NTRK3: variants seen among roughly 807,000 people sequenced by gnomAD.
NTRK3 encodes the protein neurotrophic receptor tyrosine kinase 3.
Under a neutral mutation model 91.7 loss-of-function variants are expected in NTRK3, and 24 were observed. The ratio of observed to expected loss-of-function variants is 0.26; its 90% CI spans 0.19 to 0.37. The LOEUF is 0.37. NTRK3 is among the 10% of genes least tolerant of loss of function. The pLI is 1.00. For missense variants in NTRK3, 880 were observed against 1,068.9 expected (o/e 0.82, Z 2.46); for synonymous variants, 483 against 404.0 (o/e 1.20, Z -2.34).
Position 87,869,274 on chromosome 15 carries a change from G to A in NTRK3, c.*7661C>T, listed in dbSNP as rs972669163. On this transcript the variant is annotated 3_prime_UTR_variant, in exon 19 of 19. Transcript: ENST00000394480. ...TTTATGGACAGAGAAAGCAGAGTCA[G>A]TGGGGAGAGGAGGGTTGCTGAGGGT... 13 of 230,726 alleles carry A rather than the reference G, an allele frequency of 5.6e-5. No individual in the cohort carries two copies. In the South Asian group the frequency reaches 2.2e-3, roughly 39 times the overall value. 14.3% of individuals were successfully genotyped at this position (230,726 alleles called of 1,614,324 possible).
intron 3 of NTRK3, chr15:88,252,841 T>C (rs956676802): frequency 6.6e-5 from 10 of 152,220 alleles, no homozygotes; most frequent in Non-Finnish European, 1.0e-4. Flanking sequence ...GACCCACACT[T>C]ATGCTCTGAT....
At chr15:87,973,532 T>C (rs2073437898) in intron 14 of NTRK3, among the ~76,000 whole-genome samples, 2 of 152,028 alleles carry the variant, frequency 1.3e-5, no homozygotes, top group Non-Finnish European at 2.9e-5. Context: ...GTGGGAAGTA[T>C]AGGGGGTGGT....
intron 3 of NTRK3, among the ~76,000 whole-genome samples, chr15:88,196,760 C>T (rs1226232386): frequency 1.3e-5 from 2 of 152,210 alleles, no homozygotes; most frequent in East Asian, 3.9e-4. Context: ...TACTCACCCT[C>T]TGGGAAGGCA....
intron 14 of NTRK3, among the ~76,000 whole-genome samples, chr15:88,027,229 G>T (rs1003016866): frequency 1.3e-5 from 2 of 152,060 alleles, no homozygotes; most frequent in Admixed American, 1.3e-4. Flanking sequence ...CTGAGTCTCA[G>T]TTTCTTTAGC....
At chr15:88,193,163 C>T (rs2047546041) in intron 3 of NTRK3, among the ~76,000 whole-genome samples, 1 of 152,118 alleles carries the variant, frequency 6.6e-6, no homozygotes, top group Non-Finnish European at 1.5e-5. Flanking sequence ...GCCAGAGGAT[C>T]TCCACCCTCA....
At chr15:88,025,256 C>T (rs947181795) in intron 14 of NTRK3, among the ~76,000 whole-genome samples, 5 of 152,234 alleles carry the variant, frequency 3.3e-5, no homozygotes, top group South Asian at 2.1e-4. Context: ...CAGGCAATCA[C>T]GTGTCTAGAT....
chr15:88,025,151 A>G (rs1313161129), intron 14 of NTRK3, among the ~76,000 whole-genome samples: 2 of 152,222 alleles, frequency 1.3e-5, no homozygotes, highest in Non-Finnish European at 2.9e-5. Context: ...TGATTGGTGA[A>G]AGCCAGTCTA....
chr15:88,203,442 A>G (rs924356327), intron 3 of NTRK3, among the ~76,000 whole-genome samples: 18 of 152,164 alleles, frequency 1.2e-4, no homozygotes, highest in African/African-American at 4.1e-4. Context: ...CAGTCTCTGC[A>G]TTTACCCCCC....
intron 14 of NTRK3, among the ~76,000 whole-genome samples, chr15:87,948,179 C>A (rs1173851831): frequency 2.6e-5 from 4 of 152,160 alleles, no homozygotes; most frequent in African/African-American, 9.7e-5. Context: ...TCCAGCCAAC[C>A]CAGTCAGTTC....
chr15:88,037,435 G>A, intron 13 of NTRK3, among the ~76,000 whole-genome samples: 1 of 152,150 alleles, frequency 6.6e-6, no homozygotes, highest in East Asian at 1.9e-4. Flanking sequence ...GTTGGTGCAT[G>A]CCTGTGATCC....
In NTRK3 at chr15:88,135,096, C is replaced by T. The variant is rs55741800; in HGVS notation, c.1204+5G>A. The T allele has an allele frequency of 2.9e-4, 474 of 1,614,134 alleles. No individual in the cohort carries two copies. Among genetic ancestry groups the T allele is most frequent in the Non-Finnish European group, 4.0e-4 (468 of 1,180,060 alleles). ...ACACCTCCGATCCAGCTACGCTGCC[C>T]TCACCTGGAAAGGGCTCCTTGAGGA... is the stretch of plus-strand genomic sequence containing the variant. On this transcript the variant is annotated splice_donor_5th_base_variant and intron_variant, in intron 10 of 18. Transcript: ENST00000394480.
intron 3 of NTRK3, among the ~76,000 whole-genome samples, chr15:88,190,878 A>G (rs1342427833): frequency 6.6e-6 from 1 of 152,232 alleles, no homozygotes; most frequent in Non-Finnish European, 1.5e-5. Context: ...AGCTGATTCC[A>G]TTTGTATTGT....
chr15:87,892,083 A>AACACACACACACACACAC (rs58946187), intron 17 of NTRK3, among the ~76,000 whole-genome samples: 79 of 141,430 alleles, frequency 5.6e-4, no homozygotes, highest in African/African-American at 1.9e-3. Context: ...CCCCATCCCC[A>AACACACACACACACACAC]ACACACACAC....
chr15:88,062,677 C>T (rs1476816340), intron 13 of NTRK3, among the ~76,000 whole-genome samples: 1 of 152,236 alleles, frequency 6.6e-6, no homozygotes, highest in African/African-American at 2.4e-5. Context: ...TTTCACAAAA[C>T]AGAAGTAAAT....
intron 14 of NTRK3, among the ~76,000 whole-genome samples, chr15:87,954,712 C>G (rs1262597404): frequency 2.0e-5 from 3 of 152,208 alleles, no homozygotes; most frequent in Admixed American, 2.0e-4. Context: ...CTGTTCAGTG[C>G]CCATGGTTAC....
intron 6 of NTRK3, among the ~76,000 whole-genome samples, chr15:88,145,825 T>C (rs1184867312): frequency 6.7e-6 from 1 of 148,740 alleles, no homozygotes; most frequent in Non-Finnish European, 1.5e-5. Flanking sequence ...AGTTCTAGGG[T>C]AACTTAAGAA....
rs570967777 is a variant in NTRK3 at position 88,172,216 on chromosome 15, G to A, written c.395+11202C>T. ...AAAGAGACTTTCAAAGACCCATTAA[G>A]AGGAAACAAGGGAGAAAGAGACACA... On this transcript the variant is annotated intron_variant, in intron 5 of 18. Transcript: ENST00000394480. 3.5e-4 allele frequency among the ~76,000 whole-genome samples: 53 copies of A among 152,376 alleles called. 1 individual carries two copies. The South Asian group carries it at 0.01, about 29-fold the overall frequency.
At chr15:88,208,015 C>G (rs2048939905) in intron 3 of NTRK3, among the ~76,000 whole-genome samples, 1 of 152,172 alleles carries the variant, frequency 6.6e-6, no homozygotes, top group South Asian at 2.1e-4. Flanking sequence ...AGTAAGGCTA[C>G]TTGGTTTGCA....
intron 5 of NTRK3, among the ~76,000 whole-genome samples, chr15:88,174,848 G>C (rs1490573421): frequency 2.6e-5 from 4 of 152,216 alleles, no homozygotes; most frequent in Non-Finnish European, 5.9e-5. Context: ...CCTTGTGCTG[G>C]AAGTCCCTGG....
Sources: gnomAD v4.1 joint callset for allele counts (sites outside exome capture counted in the v4.1 genomes callset) on GRCh38, gnomAD v4.1.1 for gene constraint, MANE v1.5 for transcripts, NCBI Gene and HGNC (gene_info 2026-07-23, HGNC 2026-07-21) for gene names.